Variants in RBM14 observed in about 807,000 individuals in gnomAD.
RBM14 encodes the protein RNA-binding protein 14.
Under a neutral mutation model 52.8 loss-of-function variants are expected in RBM14, and 5 were observed. The observed-to-expected ratio is 0.09, with a 90% CI of 0.05 to 0.20. The LOEUF is 0.20. Among genes scored for constraint, RBM14 ranks in the 10% least tolerant of loss-of-function variants. The pLI is 1.00. For missense variants in RBM14, 780 were observed against 926.6 expected (o/e 0.84, Z 2.05); for synonymous variants, 411 against 401.8 (o/e 1.02, Z -0.28).
chr11:66,618,606 G>C, intron 1 of RBM14: 2 of 716,744 alleles, frequency 2.8e-6, no homozygotes, highest in South Asian at 3.0e-5. Context: ...AGTGGTGGGG[G>C]AGGGTCTCAG....
chr11:66,617,233 A>C (rs1184426330), intron 1 of RBM14, 176 bp downstream of exon 1: 7 of 1,417,700 alleles, frequency 4.9e-6, no homozygotes, highest in Non-Finnish European at 5.5e-6. Flanking sequence ...CCTGCGGTCC[A>C]GGAACCGTCC....
rs1388049814 is a variant in RBM14, at chr11:66,629,484, C to T, written c.*2816C>T. Among the ~76,000 whole-genome samples the T allele has an allele frequency of 2.0e-5, 3 of 152,128 alleles. No individual in the cohort carries two copies. Among genetic ancestry groups the T allele is most frequent in the East Asian group, 1.9e-4 (1 of 5,202 alleles). ...GGTTCAGCCTATCCAGGTAGGCTACCGTTCTAGTCATACCCATCACTTAAA... is the reference window on the plus strand; with the variant it reads ...GGTTCAGCCTATCCAGGTAGGCTACTGTTCTAGTCATACCCATCACTTAAA... On this transcript the variant is annotated 3_prime_UTR_variant, in exon 3 of 3. Transcript: ENST00000310137.
In RBM14 at chr11:66,629,602, T is replaced by C. The variant is rs944548709; in HGVS notation, c.*2934T>C. On this transcript the variant is annotated 3_prime_UTR_variant, in exon 3 of 3. Coordinates refer to ENST00000310137, the MANE Select transcript of RBM14 (RefSeq NM_006328.4). Reference sequence around the variant, plus strand: ...CATCATGGGATGGATGAGGTCATCATGAAAACAGATTTACTGGATTTATGG... The same window carrying C: ...CATCATGGGATGGATGAGGTCATCACGAAAACAGATTTACTGGATTTATGG... 6.6e-6 allele frequency among the ~76,000 whole-genome samples: 1 copy of C among 152,220 alleles called. No individual in the cohort carries two copies. The highest frequency in any genetic ancestry group is 1.5e-5 in the Non-Finnish European group (1 of 68,030).
intron 1 of RBM14, among the ~76,000 whole-genome samples, chr11:66,621,525 A>G (rs924630938): frequency 3.3e-5 from 5 of 151,910 alleles, no homozygotes; most frequent in Non-Finnish European, 7.4e-5. Flanking sequence ...TTACAGGCAC[A>G]TGCCACCACA....
Position 66,625,273 on chromosome 11 carries a change from T to C in RBM14, c.1397T>C (p.Val466Ala), listed in dbSNP as rs1565072086. ...GCTGGCTCCTATGGGGCCCAGCCGG[T>C]TGTGCAGACCCAGCTGAATAGTTAC... The part of the protein sequence containing the change: ...PMAGSYGAQP[V>A]VQTQLNSYGA... The change falls in exon 2 of 3, where the codon GTT becomes GCT. Residue 466 changes from valine to alanine, a missense_variant. Val to Ala is a moderately conservative substitution (Grantham distance 64). Coordinates refer to ENST00000310137, the MANE Select transcript of RBM14 (RefSeq NM_006328.4). This position sits in a 1 kb window ranked among gnomAD's most constrained non-coding sequence, Gnocchi z 4.2. 6.2e-7 allele frequency: 1 copy of C among 1,612,492 alleles called. No homozygotes were observed. Among genetic ancestry groups the C allele is most frequent in the African/African-American group, 1.3e-5 (1 of 74,880 alleles).
intron 1 of RBM14, 68 bp downstream of exon 1, chr11:66,617,125 A>AC (rs1858874230): frequency 1.3e-6 from 2 of 1,514,912 alleles, no homozygotes; most frequent in Non-Finnish European, 1.8e-6. Flanking sequence ...CACGCCCCTT[A>AC]CCCGGGGGTC....
rs1295807429 is a variant in RBM14 at position 66,628,354 on chromosome 11, G to A, written c.*1686G>A. 1.3e-5 allele frequency among the ~76,000 whole-genome samples: 2 copies of A among 152,188 alleles called. No individual in the cohort carries two copies. The highest frequency in any genetic ancestry group is 1.5e-5 in the Non-Finnish European group (1 of 68,038). ...GGGCAAGGCGACTGGGGAGGTGTAC[G>A]TGTTAGTCAAGTGGAGGTCAGGTGG... On this transcript the variant is annotated 3_prime_UTR_variant, in exon 3 of 3. Coordinates refer to ENST00000310137, the MANE Select transcript of RBM14 (RefSeq NM_006328.4).
chr11:66,620,590 C>T (rs557780189), intron 1 of RBM14, among the ~76,000 whole-genome samples: 8 of 152,324 alleles, frequency 5.3e-5, no homozygotes, highest in African/African-American at 1.9e-4. Context: ...GTGTGAGCCA[C>T]CATGCCCGGC....
At position 66,616,654 on chromosome 11, in the gene RBM14, T is replaced by TTCGGACGTCTTGCCTGTCGC. The variant is rs1281071346; in HGVS notation, c.-65_-46dup. 362 of 1,500,092 alleles carry TTCGGACGTCTTGCCTGTCGC rather than the reference T, an allele frequency of 2.4e-4. No individual in the cohort carries two copies. The highest frequency in any genetic ancestry group is 3.2e-4 in the Non-Finnish European group (354 of 1,122,696). 92.9% of individuals were successfully genotyped at this position (1,500,092 alleles called of 1,614,324 possible). On this transcript the variant is annotated 5_prime_UTR_variant, in exon 1 of 3. Coordinates refer to ENST00000310137, the MANE Select transcript of RBM14 (RefSeq NM_006328.4). ...CATTCCTGAGGAGGACTGCCGGTCG[T>TTCGGACGTCTTGCCTGTCGC]TCGGACGTCTTGCCTGTCGCTGGAG...
chr11:66,617,673 C>G (rs1469512977), intron 1 of RBM14: 7 of 597,210 alleles, frequency 1.2e-5, no homozygotes, highest in Non-Finnish European at 1.5e-5. Context: ...TTTGGCCTTT[C>G]AATATTAGGT....
rs1465506379 is a variant in RBM14 at position 66,629,896 on chromosome 11, G to T, written c.*3228G>T. Reference sequence around the variant, plus strand: ...TTTTGAGACCAGCTTCGGCAATACGGTGAGACCTTGTCTCTACCAAAAGAA... The same window carrying T: ...TTTTGAGACCAGCTTCGGCAATACGTTGAGACCTTGTCTCTACCAAAAGAA... On this transcript the variant is annotated 3_prime_UTR_variant, in exon 3 of 3. Transcript: ENST00000310137. Among the ~76,000 whole-genome samples, 2 of 143,652 alleles carry T rather than the reference G, an allele frequency of 1.4e-5. No homozygotes were observed. Among genetic ancestry groups the T allele is most frequent in the East Asian group, 4.1e-4 (2 of 4,858 alleles). 94.2% of individuals were successfully genotyped at this position (143,652 alleles called of 152,430 possible).
chr11:66,629,642 A>G lies in RBM14; in HGVS notation c.*2974A>G, dbSNP rs1328480469. Among the ~76,000 whole-genome samples, 1 of 152,232 alleles carries G rather than the reference A, an allele frequency of 6.6e-6. No individual in the cohort carries two copies. ...TGGATTTATGGACCTAGTATATACT[A>G]TGTAACAGATGGAAAACTGAATTTT... is the stretch of plus-strand genomic sequence containing the variant. On this transcript the variant is annotated 3_prime_UTR_variant, in exon 3 of 3. Transcript: ENST00000310137.
chr11:66,618,706 G>A, intron 1 of RBM14: 1 of 621,406 alleles, frequency 1.6e-6, no homozygotes, highest in Non-Finnish European at 2.9e-6. Flanking sequence ...TTCTTTTGTG[G>A]TTGTTAGGTA....
At chr11:66,617,438 T>G in intron 1 of RBM14, 2 of 1,042,326 alleles carry the variant, frequency 1.9e-6, no homozygotes, top group East Asian at 8.1e-5. Flanking sequence ...ATTTCTCCAC[T>G]TCCCCACTTC....
Position 66,626,865 on chromosome 11 carries a change from C to G in RBM14, c.*197C>G. On this transcript the variant is annotated 3_prime_UTR_variant, in exon 3 of 3. Coordinates refer to ENST00000310137, the MANE Select transcript of RBM14 (RefSeq NM_006328.4). Reference sequence around the variant, plus strand: ...CTACTTTGTTCCTTCGCCTCAGCAGCAAATCTTGCTACTGGCTCTAGATCT... The same window carrying G: ...CTACTTTGTTCCTTCGCCTCAGCAGGAAATCTTGCTACTGGCTCTAGATCT... 5 of 569,630 alleles carry G rather than the reference C, an allele frequency of 8.8e-6. No individual in the cohort carries two copies. Among genetic ancestry groups the G allele is most frequent in the Non-Finnish European group, 1.5e-5 (5 of 329,406 alleles). The allele number at this position is 569,630 out of a possible 1,614,324, so 35.3% of individuals were successfully genotyped here.
At position 66,628,888 on chromosome 11, in the gene RBM14, C is replaced by G. The variant is rs1215228147; in HGVS notation, c.*2220C>G. Among the ~76,000 whole-genome samples the G allele has an allele frequency of 1.3e-5, 2 of 152,174 alleles. No individual in the cohort carries two copies. The highest frequency in any genetic ancestry group is 1.3e-4 in the Admixed American group (2 of 15,278). On this transcript the variant is annotated 3_prime_UTR_variant, in exon 3 of 3. Coordinates refer to ENST00000310137, the MANE Select transcript of RBM14 (RefSeq NM_006328.4). Reference sequence around the variant, plus strand: ...CCTGCAAAAAACAGCTAAATGTGCTCTCAGGGCCAGTGGTGATGTTCTGTG... The same window carrying G: ...CCTGCAAAAAACAGCTAAATGTGCTGTCAGGGCCAGTGGTGATGTTCTGTG...
intron 1 of RBM14, among the ~76,000 whole-genome samples, chr11:66,623,494 G>C (rs1425722824): frequency 2.6e-5 from 4 of 152,214 alleles, no homozygotes; most frequent in Non-Finnish European, 4.4e-5. Context: ...AACACACTTT[G>C]AGTGGGGCAA....
At chr11:66,626,124 C>T (rs1332548750) in intron 2 of RBM14, among the ~76,000 whole-genome samples, 2 of 152,222 alleles carry the variant, frequency 1.3e-5, no homozygotes, top group African/African-American at 4.8e-5. Flanking sequence ...GGGGACCTCG[C>T]TTTCATCCGC....
rs1421522852 is a variant in RBM14 at position 66,629,421 on chromosome 11, ACT to A, written c.*2758_*2759del. Among the ~76,000 whole-genome samples the A allele has an allele frequency of 2.6e-5, 4 of 151,624 alleles. No individual in the cohort carries two copies. The highest frequency in any genetic ancestry group is 2.1e-4 in the South Asian group (1 of 4,764). ...AAATTGTGTGCATGGTGGGCTTGAG[ACT>A]CTCTTGTAATGGAGGTAATGGGACT... is the stretch of plus-strand genomic sequence containing the variant. On this transcript the variant is annotated 3_prime_UTR_variant, in exon 3 of 3. Transcript: ENST00000310137.
Sources: allele counts gnomAD v4.1 joint callset (sites outside exome capture counted in the v4.1 genomes callset), GRCh38; gene constraint gnomAD v4.1.1; non-coding constraint Gnocchi (gnomAD v3.1); transcripts MANE v1.5; gene names NCBI Gene and HGNC (gene_info 2026-07-23, HGNC 2026-07-21).